The following SETD1B variants were observed in gnomAD, a reference collection of about 807,000 sequenced individuals.
SETD1B encodes SET domain containing 1B, histone lysine methyltransferase.
Under a neutral mutation model 148.0 loss-of-function variants are expected in SETD1B, and 7 were observed. That is an observed-to-expected ratio of 0.05 (90% CI 0.03 to 0.09). The LOEUF (loss-of-function observed/expected upper bound fraction) is 0.09. SETD1B is among the 10% of genes least tolerant of loss of function. SETD1B has a pLI of 1.00. For missense variants in SETD1B, 2,155 were observed against 2,729.9 expected, an observed-to-expected ratio of 0.79 and a Z score of 4.69; for synonymous variants, 1,361 against 1,186.5, an observed-to-expected ratio of 1.15 and a Z score of -3.02.
Position 121,830,068 on chromosome 12 carries a change from C to T in SETD1B, c.5730C>T (p.Pro1910=), listed in dbSNP as rs1169099845. The change falls in exon 17 of 17, where the codon CCC becomes CCT. Residue 1910 remains proline (P), a splice_region_variant and synonymous_variant. Coordinates refer to ENST00000604567, the MANE Select transcript of SETD1B (RefSeq NM_001353345.2). The surrounding 1 kb of genome is among the most constrained non-coding windows in gnomAD (Gnocchi z 5.7). ...FARFINHSCN[P]NCYAKVITVE... ...TCTCCCCCCCACCTTGCCTGCAGCC[C>T]AACTGCTATGCCAAGGTGATCACGG... 3 of 1,549,852 alleles carry T rather than the reference C, an allele frequency of 1.9e-6. No individual in the cohort carries two copies. Among genetic ancestry groups the T allele is most frequent in the Non-Finnish European group, 2.6e-6 (3 of 1,145,810 alleles).
upstream of SETD1B, chr12:121,802,649 CAA>C (rs1875446453): frequency 1.3e-5 from 2 of 152,050 alleles, no homozygotes; most frequent in South Asian, 4.1e-4. Flanking sequence ...TTTTGGAATT[CAA>C]AACTGTTAAC....
At chr12:121,793,476 A>C in the SETD1B span, 1 of 1,539,548 alleles carries the variant, frequency 6.5e-7, no homozygotes, top group Non-Finnish European at 8.7e-7. Context: ...CCCCCACCCC[A>C]GCCCCGCTGC....
Position 121,817,429 on chromosome 12 carries a change from G to T in SETD1B, c.3037G>T (p.Asp1013Tyr), listed in dbSNP as rs1361644997. ...ADTPCELAKRDPKGVGVRRRP... is the reference protein window; with the variant it reads ...ADTPCELAKRYPKGVGVRRRP... Reference sequence around the variant, plus strand: ...CACCCCCTGTGAGCTCGCCAAGCGGGACCCCAAGGGCGTGGGTGTGCGGCG... The same window carrying T: ...CACCCCCTGTGAGCTCGCCAAGCGGTACCCCAAGGGCGTGGGTGTGCGGCG... The change falls in exon 9 of 17, where the codon GAC becomes TAC. Residue 1013 changes from aspartate to tyrosine, a missense_variant. By Grantham distance (160) the Asp-to-Tyr change is radical. This residue lies in a region of SETD1B where 289 missense variants were observed against 423.7 expected (regional missense o/e 0.68). Coordinates refer to ENST00000604567, the MANE Select transcript of SETD1B (RefSeq NM_001353345.2). This position sits in a 1 kb window ranked among gnomAD's most constrained non-coding sequence, Gnocchi z 8.1. 13 of 1,540,990 alleles carry T rather than the reference G, an allele frequency of 8.4e-6. No homozygotes were observed. Among genetic ancestry groups the T allele is most frequent in the Non-Finnish European group, 1.1e-5 (13 of 1,139,282 alleles).
chr12:121,823,770 G>T (rs1566559008), intron 12 of SETD1B, 21 bp downstream of exon 12: 7 of 1,526,426 alleles, frequency 4.6e-6, no homozygotes, highest in South Asian at 1.2e-5. Flanking sequence ...GGCATGGGGG[G>T]CTCTGCACCT....
chr12:121,809,851 G>A lies in SETD1B; in HGVS notation c.906G>A (p.Gln302=), dbSNP rs1419748769. ...CCACACCCTCATACCTCTTCAGCCA[G>A]GACCCTGCAGTGACCTTCAAGGCCC... ...RQPTPSYLFS[Q]DPAVTFKARR... is the part of the protein sequence containing the mutation. The change falls in exon 6 of 17, where the codon CAG becomes CAA. Residue 302 remains glutamine (Q), a synonymous_variant. Coordinates refer to ENST00000604567, the MANE Select transcript of SETD1B (RefSeq NM_001353345.2). 4.5e-6 allele frequency: 7 copies of A among 1,551,344 alleles called. No homozygotes were observed. The highest frequency in any genetic ancestry group is 6.1e-6 in the Non-Finnish European group (7 of 1,147,006).
intron 7 of SETD1B, among the ~76,000 whole-genome samples, chr12:121,816,203 A>G (rs1468757189): frequency 6.6e-6 from 1 of 151,926 alleles, no homozygotes; most frequent in Non-Finnish European, 1.5e-5. Context: ...TTTTCTCCAT[A>G]AGAGAGAACT....
At position 121,817,402 on chromosome 12, in the gene SETD1B, G is replaced by C. The variant is rs1367206774; in HGVS notation, c.3010G>C (p.Asp1004His). 6.5e-7 allele frequency: 1 copy of C among 1,532,066 alleles called. No homozygotes were observed. The highest frequency in any genetic ancestry group is 8.8e-7 in the Non-Finnish European group (1 of 1,134,334). The allele number at this position is 1,532,066 out of a possible 1,614,324, so 94.9% of individuals were successfully genotyped here. A position where few individuals can be genotyped will look rare whatever the true frequency, so the allele number is the denominator to read the frequency against. Reference protein sequence around the residue: ...SERERDRDMADTPCELAKRDP... With the variant: ...SERERDRDMAHTPCELAKRDP... The stretch of plus-strand genomic sequence containing the variant: ...GCGAGAGCGAGACCGGGATATGGCA[G>C]ACACCCCCTGTGAGCTCGCCAAGCG... The change falls in exon 9 of 17, where the codon GAC becomes CAC. Residue 1004 changes from aspartate (D) to histidine (H), a missense_variant. By Grantham distance (81) the Asp-to-His change is moderately conservative. Transcript: ENST00000604567. This position sits in a 1 kb window ranked among gnomAD's most constrained non-coding sequence, Gnocchi z 8.1.
chr12:121,828,196 A>T, intron 16 of SETD1B, 126 bp downstream of exon 16: 1 of 1,304,492 alleles, frequency 7.7e-7, no homozygotes, highest in Non-Finnish European at 1.0e-6. Flanking sequence ...CAGGTTGGCC[A>T]AGGGTTATAG....
At chr12:121,812,220 C>G (rs1363820452) in intron 6 of SETD1B, among the ~76,000 whole-genome samples, 1 of 152,134 alleles carries the variant, frequency 6.6e-6, no homozygotes. Flanking sequence ...GGACCCCGTC[C>G]CATCCTAGGT....
chr12:121,805,278 C>G lies in SETD1B; in HGVS notation c.273+62C>G, dbSNP rs925192235. ...CACCTCCCCGAGTTCGAAAATAACG[C>G]CAGTCCTGACCGAGCCCAGCCGGAT... On this transcript the variant is annotated intron_variant, in intron 3 of 16. Coordinates refer to ENST00000604567, the MANE Select transcript of SETD1B (RefSeq NM_001353345.2). The surrounding 1 kb of genome is among the most constrained non-coding windows in gnomAD (Gnocchi z 4.2). The G allele has an allele frequency of 4.5e-6, 6 of 1,329,790 alleles. No homozygotes were observed. Among genetic ancestry groups the G allele is most frequent in the African/African-American group, 1.5e-5 (1 of 68,318 alleles). The allele number at this position is 1,329,790 out of a possible 1,614,324, so 82.4% of individuals were successfully genotyped here.
chr12:121,791,877 G>GC, the SETD1B span, among the ~76,000 whole-genome samples: 22 of 152,204 alleles, frequency 1.4e-4, no homozygotes, highest in Admixed American at 1.3e-3. Context: ...CAATGACCTT[G>GC]CCCCTCCCTG....
chr12:121,823,118 C>G lies in SETD1B; in HGVS notation c.4539C>G (p.Pro1513=). 1.3e-6 allele frequency: 2 copies of G among 1,535,268 alleles called. No homozygotes were observed. Among genetic ancestry groups the G allele is most frequent in the Non-Finnish European group, 1.7e-6 (2 of 1,145,302 alleles). ...CCGCCCCCCTGGCCTCTTGCCCTCCCCCAATGAAGAGGAAGCCGGGCCGGC... is the reference window on the plus strand; with the variant it reads ...CCGCCCCCCTGGCCTCTTGCCCTCCGCCAATGAAGAGGAAGCCGGGCCGGC... ...LLPAPLASCP[P]PMKRKPGRPR... The change falls in exon 12 of 17, where the codon CCC becomes CCG. Residue 1513 remains proline, a synonymous_variant. Coordinates refer to ENST00000604567, the MANE Select transcript of SETD1B (RefSeq NM_001353345.2).
chr12:121,810,764 C>G lies in SETD1B; in HGVS notation c.1819C>G (p.Leu607Val). ...AGGCCCCCCGGACCCTGCTGGGCTT[C>G]TGAGCCAGACAGCTGAGGTGGCCTT... ...EPGPPDPAGL[L>V]SQTAEVALDL... The change falls in exon 6 of 17, where the codon CTG becomes GTG. Residue 607 changes from leucine (L) to valine (V), a missense_variant. Transcript: ENST00000604567. The surrounding 1 kb of genome is among the most constrained non-coding windows in gnomAD (Gnocchi z 7.6). The G allele has an allele frequency of 6.5e-7, 1 of 1,547,806 alleles. No individual in the cohort carries two copies. Among genetic ancestry groups the G allele is most frequent in the African/African-American group, 1.4e-5 (1 of 73,068 alleles).
At position 121,814,490 on chromosome 12, in the gene SETD1B, G is replaced by A; in HGVS notation, c.2275G>A (p.Asp759Asn). The A allele has an allele frequency of 1.4e-6, 2 of 1,459,536 alleles. No homozygotes were observed. 90.4% of individuals were successfully genotyped at this position (1,459,536 alleles called of 1,614,324 possible). A position where few individuals can be genotyped will look rare whatever the true frequency, so the allele number is the denominator to read the frequency against. Residue 759 changes from aspartate (D) to asparagine (N), a missense_variant, in exon 7 of 17, where the codon GAC becomes AAC. Transcript: ENST00000604567. ...GGGCCTGTTCCCTGTGATGCAGGTGGACATGAGCCACGTGCTGGGTGGCCA... is the reference window on the plus strand; with the variant it reads ...GGGCCTGTTCCCTGTGATGCAGGTGAACATGAGCCACGTGCTGGGTGGCCA... ...PPGLFPVMQV[D>N]MSHVLGGQWG...
chr12:121,815,327 A>G (rs1328636678), intron 7 of SETD1B, among the ~76,000 whole-genome samples: 1 of 152,136 alleles, frequency 6.6e-6, no homozygotes, highest in Non-Finnish European at 1.5e-5. Flanking sequence ...CCTCCTTTGT[A>G]CATGCCACAT....
At position 121,814,291 on chromosome 12, in the gene SETD1B, CCCA is replaced by C. The variant is rs1012976238; in HGVS notation, c.2088_2090del (p.Pro699del). 2.2e-4 allele frequency: 229 copies of C among 1,045,172 alleles called. No homozygotes were observed. The highest frequency in any genetic ancestry group is 1.1e-3 in the Middle Eastern group (3 of 2,762). 64.7% of individuals were successfully genotyped at this position (1,045,172 alleles called of 1,614,324 possible). A position where few individuals can be genotyped will look rare whatever the true frequency, so the allele number is the denominator to read the frequency against. ...CACCTGGCTTCCCCCCGCTGCCCCC[CCCA>C]CCACCACCACCCCCACCGCAGCCTG... is the stretch of plus-strand genomic sequence containing the variant. On this transcript the variant is annotated inframe_deletion, in exon 7 of 17. Coordinates refer to ENST00000604567, the MANE Select transcript of SETD1B (RefSeq NM_001353345.2).
At chr12:121,800,222 C>T (rs1875264849), upstream of SETD1B, 1 of 152,084 alleles carries the variant, frequency 6.6e-6, no homozygotes, top group South Asian at 2.1e-4. Flanking sequence ...GAGCCCCGCG[C>T]CTCGGGGGAT....
In SETD1B at chr12:121,809,686, C is replaced by T. The variant is rs1268564169; in HGVS notation, c.741C>T (p.Ser247=). The change falls in exon 6 of 17, where the codon AGC becomes AGT. Residue 247 remains serine, a synonymous_variant. Coordinates refer to ENST00000604567, the MANE Select transcript of SETD1B (RefSeq NM_001353345.2). ...GSGSSSVTPN[S]GGTPFSQDTA... Reference sequence around the variant, plus strand: ...GCTCCTCCTCTGTCACCCCCAATAGCGGTGGGACACCCTTCTCCCAGGACA... The same window carrying T: ...GCTCCTCCTCTGTCACCCCCAATAGTGGTGGGACACCCTTCTCCCAGGACA... 1.0e-5 allele frequency: 16 copies of T among 1,551,520 alleles called. No homozygotes were observed. The East Asian group carries it at 2.2e-4, about 21-fold the overall frequency.
In SETD1B at chr12:121,810,586, C is replaced by T; in HGVS notation, c.1641C>T (p.Gly547=). The T allele has an allele frequency of 4.5e-6, 7 of 1,548,334 alleles. No individual in the cohort carries two copies. The highest frequency in any genetic ancestry group is 5.2e-6 in the Non-Finnish European group (6 of 1,146,838). ...AGCTCTCCCCACTGGCCCCCTTTGG[C>T]ACCAACTCCCAGCCAGGCTTCCGGG... is the stretch of plus-strand genomic sequence containing the variant. The part of the protein sequence containing the change: ...SSQLSPLAPF[G]TNSQPGFRGP... Residue 547 remains glycine (G), a synonymous_variant, in exon 6 of 17, where the codon GGC becomes GGT. Transcript: ENST00000604567. This position sits in a 1 kb window ranked among gnomAD's most constrained non-coding sequence, Gnocchi z 7.6.
Sources: gnomAD v4.1 joint callset for allele counts (sites outside exome capture counted in the v4.1 genomes callset) on GRCh38, gnomAD v4.1.1 for gene constraint, gnomAD v4.1.1 regional missense constraint, Gnocchi (gnomAD v3.1) non-coding constraint, MANE v1.5 for transcripts, NCBI Gene and HGNC (gene_info 2026-07-23, HGNC 2026-07-21) for gene names.